Variants in ZNF735 observed in about 807,000 individuals in gnomAD.
ZNF735 encodes zinc finger protein 735.
Under a neutral mutation model 13.4 loss-of-function variants are expected in ZNF735, and 11 were observed. The ratio of observed to expected loss-of-function variants is 0.82; its 90% CI spans 0.52 to 1.36. The LOEUF is 1.36. ZNF735 is among the 40% of genes most tolerant of loss of function. ZNF735 has a pLI of 0.00. For synonymous variants in ZNF735, 171 were observed against 162.6 expected (o/e 1.05, Z -0.39); for missense variants, 500 against 484.6 (o/e 1.03, Z -0.30).
At chr7:64,215,882 G>T (rs963046946) in intron 3 of ZNF735, among the ~76,000 whole-genome samples, 2 of 151,972 alleles carry the variant, frequency 1.3e-5, no homozygotes, top group African/African-American at 2.4e-5. Flanking sequence ...GTCTTTATTT[G>T]TCTTTGTGTG....
At chr7:64,212,504 C>T (rs189546733) in intron 1 of ZNF735, among the ~76,000 whole-genome samples, 4 of 152,252 alleles carry the variant, frequency 2.6e-5, no homozygotes, top group Admixed American at 2.6e-4. Context: ...GAAAAATAGA[C>T]ATGTCCGACC....
In ZNF735 at chr7:64,212,619, C is replaced by T. The variant is rs567854118; in HGVS notation, c.40-473C>T. ...ACCTGCCTGGCCAACATGGAGAAAC[C>T]CCTTCTCTACTAAAAATACAAAAAT... On this transcript the variant is annotated intron_variant, in intron 1 of 3. Transcript: ENST00000429565. Among the ~76,000 whole-genome samples, 118 of 151,902 alleles carry T rather than the reference C, an allele frequency of 7.8e-4. 1 individual carries two copies. Among genetic ancestry groups the T allele is most frequent in the African/African-American group, 2.5e-3 (103 of 41,446 alleles).
chr7:64,219,622 G>T (rs1161060481), exon 4 of ZNF735: 1 of 1,577,146 alleles, frequency 6.3e-7, no homozygotes, highest in Admixed American at 1.9e-5. Context: ...TAAAAAATAT[G>T]GCAAATCATT....
chr7:64,216,214 T>C (rs1236957486), intron 3 of ZNF735, among the ~76,000 whole-genome samples: 1 of 151,604 alleles, frequency 6.6e-6, no homozygotes, highest in East Asian at 1.9e-4. Context: ...GAGAATGGCA[T>C]GAACCCAGGA....
At chr7:64,211,301 AAC>A (rs1379652136) in intron 1 of ZNF735, among the ~76,000 whole-genome samples, 2 of 152,212 alleles carry the variant, frequency 1.3e-5, no homozygotes, top group East Asian at 3.9e-4. Context: ...CTATTGAGGA[AAC>A]ACAGTTGTCT....
intron 1 of ZNF735, among the ~76,000 whole-genome samples, chr7:64,210,771 A>G (rs867441164): frequency 6.6e-6 from 1 of 152,186 alleles, no homozygotes; most frequent in South Asian, 2.1e-4. Context: ...AAATCTTTTC[A>G]ATTATACACA....
At chr7:64,214,577 G>A (rs779038371) in intron 3 of ZNF735, among the ~76,000 whole-genome samples, 3 of 151,512 alleles carry the variant, frequency 2.0e-5, no homozygotes, top group Admixed American at 6.6e-5. Context: ...TATTACTGTA[G>A]CCTTGAAATA....
intron 3 of ZNF735, among the ~76,000 whole-genome samples, chr7:64,217,037 A>G (rs1562833553): frequency 6.6e-6 from 1 of 152,312 alleles, no homozygotes; most frequent in East Asian, 1.9e-4. Context: ...GGTTTGTGAT[A>G]TGGTGTAGGT....
intron 1 of ZNF735, among the ~76,000 whole-genome samples, chr7:64,207,978 C>T (rs1022817884): frequency 6.7e-6 from 1 of 148,828 alleles, no homozygotes; most frequent in South Asian, 2.1e-4. Flanking sequence ...CAAAGCAAGA[C>T]TCCACCTCAA....
At chr7:64,218,620 A>C (rs1280328828) in intron 3 of ZNF735, among the ~76,000 whole-genome samples, 3 of 152,008 alleles carry the variant, frequency 2.0e-5, no homozygotes, top group Non-Finnish European at 4.4e-5. Flanking sequence ...TAATATATAC[A>C]TCTTTATTTT....
intron 1 of ZNF735, among the ~76,000 whole-genome samples, chr7:64,208,242 A>ATT (rs1491567574): frequency 1.3e-4 from 10 of 76,380 alleles, no homozygotes; most frequent in Non-Finnish European, 2.5e-4. Context: ...TCTCCAATAA[A>ATT]TGTTTTTTTT....
exon 4 of ZNF735, chr7:64,219,956 G>A (rs1270416726): frequency 1.2e-6 from 2 of 1,613,848 alleles, no homozygotes; most frequent in East Asian, 2.2e-5. Flanking sequence ...TGTGAAGAAT[G>A]TGGCAAAGCC....
At chr7:64,208,691 G>A (rs567789601) in intron 1 of ZNF735, among the ~76,000 whole-genome samples, 1 of 152,262 alleles carries the variant, frequency 6.6e-6, no homozygotes, top group South Asian at 2.1e-4. Flanking sequence ...GTACTCAACA[G>A]ATTTGTTTTC....
chr7:64,213,078 T>TG lies in ZNF735; in HGVS notation c.40-14_40-13insG. 1 of 981,988 alleles carries TG rather than the reference T, an allele frequency of 1.0e-6. No individual in the cohort carries two copies. Among genetic ancestry groups the TG allele is most frequent in the Middle Eastern group, 2.4e-4 (1 of 4,188 alleles). The allele number at this position is 981,988 out of a possible 1,614,324, so 60.8% of individuals were successfully genotyped here. ...TAAGTGTGTGTTCATGAGGTTTTTC[T>TG]TTTTTTTTTTCAGGGACTGTTGACA... On this transcript the variant is annotated splice_polypyrimidine_tract_variant and intron_variant, in intron 1 of 3. Coordinates refer to ENST00000429565, the Ensembl canonical transcript of ZNF735.
intron 1 of ZNF735, among the ~76,000 whole-genome samples, chr7:64,211,820 T>C (rs2116480407): frequency 6.7e-6 from 1 of 150,014 alleles, no homozygotes; most frequent in East Asian, 2.0e-4. Context: ...GACCTGAGAT[T>C]GCACCATTAC....
rs868163404 is a variant in ZNF735, at chr7:64,211,896, T to A, written c.40-1196T>A. ...AAAAAGAAAAAAGAAAAAAAATATA[T>A]ATATATATATATTTATTTATTTAAA... On this transcript the variant is annotated intron_variant, in intron 1 of 3. Transcript: ENST00000429565. Among the ~76,000 whole-genome samples, 365 of 138,664 alleles carry A rather than the reference T, an allele frequency of 2.6e-3. 1 individual carries two copies. The highest frequency in any genetic ancestry group is 8.0e-3 in the African/African-American group (318 of 39,620). The allele number at this position is 138,664 out of a possible 152,430, so 91.0% of individuals were successfully genotyped here.
chr7:64,211,040 A>C (rs752042514), intron 1 of ZNF735, among the ~76,000 whole-genome samples: 2 of 152,104 alleles, frequency 1.3e-5, no homozygotes, highest in Non-Finnish European at 2.9e-5. Context: ...GGAAATTGCA[A>C]ATTTTTACTT....
At chr7:64,214,038 G>T in exon 3 of ZNF735, 1 of 1,599,396 alleles carries the variant, frequency 6.3e-7, no homozygotes, top group Non-Finnish European at 8.5e-7. Context: ...AGCCAGACTT[G>T]ATCGCCTGTC....
intron 1 of ZNF735, 107 bp downstream of exon 1, chr7:64,207,348 G>A: frequency 1.2e-6 from 2 of 1,605,594 alleles, no homozygotes; most frequent in South Asian, 2.2e-5. Context: ...TCCGGAGTCT[G>A]AGGACCCAAA....
Sources: gnomAD v4.1 joint callset for allele counts (sites outside exome capture counted in the v4.1 genomes callset) on GRCh38, gnomAD v4.1.1 for gene constraint, MANE v1.5 for transcripts, NCBI Gene and HGNC (gene_info 2026-07-23, HGNC 2026-07-21) for gene names.